Variants in DRICH1 observed in about 807,000 individuals in gnomAD.
The protein encoded by DRICH1 is aspartate rich 1.
Under a neutral mutation model 39.5 loss-of-function variants are expected in DRICH1, and 38 were observed. That is an observed-to-expected ratio of 0.96 (90% CI 0.74 to 1.26). DRICH1 has a LOEUF of 1.26. Among genes scored for constraint, DRICH1 ranks in the 50% most tolerant of loss-of-function variants. DRICH1 has a pLI of 0.00. For missense variants in DRICH1, 279 were observed against 270.4 expected (o/e 1.03, Z -0.22); for synonymous variants, 84 against 99.5 (o/e 0.84, Z 0.93).
chr22:23,586,879 T>G, the DRICH1 span, among the ~76,000 whole-genome samples: 1 of 152,230 alleles, frequency 6.6e-6, no homozygotes, highest in Non-Finnish European at 1.5e-5. Flanking sequence ...AATAGCCCTA[T>G]TTATTCCAGA....
At chr22:23,607,457 A>C (rs1242755371), downstream of DRICH1, among the ~76,000 whole-genome samples, 1 of 147,742 alleles carries the variant, frequency 6.8e-6, no homozygotes, top group Non-Finnish European at 1.5e-5. Context: ...CCACACTGGG[A>C]CCCTCATTGT....
At chr22:23,602,464 C>T in the DRICH1 span, among the ~76,000 whole-genome samples, 2 of 152,234 alleles carry the variant, frequency 1.3e-5, no homozygotes, top group African/African-American at 4.8e-5. Context: ...GCAGGTGGGT[C>T]ACTTGGGGCC....
intron 8 of DRICH1, 34 bp downstream of exon 8, chr22:23,616,819 T>C: frequency 6.2e-7 from 1 of 1,613,494 alleles, no homozygotes. Context: ...AGCAAGTTTG[T>C]TTCTCAGAAA....
At chr22:23,589,089 GACACACAC>G in the DRICH1 span, among the ~76,000 whole-genome samples, 4,744 of 143,870 alleles carry the variant, frequency 0.033, 266 homozygotes, top group African/African-American at 0.11. Flanking sequence ...TCTCCCAGCT[GACACACAC>G]ACACACACAC....
At chr22:23,590,752 C>T in the DRICH1 span, among the ~76,000 whole-genome samples, 1 of 152,040 alleles carries the variant, frequency 6.6e-6, no homozygotes, top group Non-Finnish European at 1.5e-5. Context: ...GTGTGCACCA[C>T]CACGCCCGGA....
intron 10 of DRICH1, 32 bp from the exon 11 acceptor site, chr22:23,613,362 TAG>T (rs776356553): frequency 2.0e-5 from 32 of 1,583,222 alleles, no homozygotes; most frequent in Non-Finnish European, 2.7e-5. Context: ...AATAAGTCAT[TAG>T]AGAGAGTGAC....
the DRICH1 span, among the ~76,000 whole-genome samples, chr22:23,599,979 G>A: frequency 6.6e-6 from 1 of 152,206 alleles, no homozygotes; most frequent in East Asian, 1.9e-4. Context: ...CAGGAGCTGA[G>A]GGTCTATATA....
At chr22:23,599,123 T>C in the DRICH1 span, among the ~76,000 whole-genome samples, 1 of 152,194 alleles carries the variant, frequency 6.6e-6, no homozygotes, top group Non-Finnish European at 1.5e-5. Context: ...CTCAATAGCG[T>C]CTCAACACAG....
chr22:23,625,779 T>A (rs1373105527), intron 2 of DRICH1, among the ~76,000 whole-genome samples: 2 of 151,854 alleles, frequency 1.3e-5, no homozygotes, highest in Admixed American at 6.6e-5. Context: ...ACCAGAGGAG[T>A]GACCTGCACA....
At position 23,622,914 on chromosome 22, in the gene DRICH1, CTG is replaced by C. The variant is rs554088647; in HGVS notation, c.299-740_299-739del. On this transcript the variant is annotated intron_variant, in intron 3 of 11. Coordinates refer to ENST00000317749, the MANE Select transcript of DRICH1 (RefSeq NM_016449.4). ...ACCAGTGAATCTGAGAGACGTGACTCTGAACACTTTCTGCCATGAGGATAAGT... is the reference window on the plus strand; with the variant it reads ...ACCAGTGAATCTGAGAGACGTGACTCAACACTTTCTGCCATGAGGATAAGT... Among the ~76,000 whole-genome samples, 1,222 of 152,208 alleles carry C rather than the reference CTG, an allele frequency of 8.0e-3. 26 individuals carry two copies. Among genetic ancestry groups the C allele is most frequent in the East Asian group, 0.078 (402 of 5,172 alleles).
At chr22:23,585,637 C>T in the DRICH1 span, among the ~76,000 whole-genome samples, 2 of 152,128 alleles carry the variant, frequency 1.3e-5, no homozygotes, top group East Asian at 3.9e-4. Context: ...CCTGCCTCAG[C>T]CTCCTGAGTA....
At chr22:23,625,883 C>A (rs1928031140) in intron 2 of DRICH1, 98 bp downstream of exon 2, 1 of 914,288 alleles carries the variant, frequency 1.1e-6, no homozygotes. Flanking sequence ...TGCTGTTCTG[C>A]AGGCCTCTGA....
intron 4 of DRICH1, among the ~76,000 whole-genome samples, chr22:23,621,140 A>G (rs1302084269): frequency 6.6e-6 from 1 of 152,146 alleles, no homozygotes; most frequent in African/African-American, 2.4e-5. Flanking sequence ...GAACTGGTTT[A>G]GGTGAGCAAA....
At chr22:23,593,672 G>T in the DRICH1 span, among the ~76,000 whole-genome samples, 1 of 143,084 alleles carries the variant, frequency 7.0e-6, no homozygotes, top group African/African-American at 2.6e-5. Flanking sequence ...GATGTCGCGC[G>T]CCTGTAGTCC....
downstream of DRICH1, among the ~76,000 whole-genome samples, chr22:23,605,428 C>G (rs1926673607): frequency 6.6e-6 from 1 of 152,166 alleles, no homozygotes; most frequent in South Asian, 2.1e-4. Context: ...GGGAAGGCCC[C>G]CACAACATCA....
chr22:23,622,160 G>C lies in DRICH1; in HGVS notation c.315C>G (p.Asn105Lys), dbSNP rs1476160264. ...TTCGTGGTAGGCATACTAAACTCAGGTTGTCCTCAGAAGAACCTGGAAGGA... is the reference window on the plus strand; with the variant it reads ...TTCGTGGTAGGCATACTAAACTCAGCTTGTCCTCAGAAGAACCTGGAAGGA... ...PSPVQGSSED[N>K]LSLVCLPRSE... The change falls in exon 4 of 12, where the codon AAC (asparagine) becomes AAG (lysine). Residue 105 changes from asparagine (N) to lysine (K), a missense_variant. Transcript: ENST00000317749. The C allele has an allele frequency of 6.2e-7, 1 of 1,613,956 alleles. No homozygotes were observed. Among genetic ancestry groups the C allele is most frequent in the Non-Finnish European group, 8.5e-7 (1 of 1,179,976 alleles).
intron 1 of DRICH1, among the ~76,000 whole-genome samples, chr22:23,627,381 T>C (rs1409400951): frequency 6.6e-6 from 1 of 152,166 alleles, no homozygotes; most frequent in African/African-American, 2.4e-5. Context: ...CCCTGAACTT[T>C]TAATTGTAAA....
the DRICH1 span, among the ~76,000 whole-genome samples, chr22:23,589,720 C>T: frequency 2.0e-5 from 3 of 152,094 alleles, no homozygotes; most frequent in South Asian, 2.1e-4. Flanking sequence ...CTCACATGGC[C>T]GCAGCTGGTG....
chr22:23,616,747 C>G (rs932913790), intron 8 of DRICH1, 106 bp downstream of exon 8: 17 of 1,449,322 alleles, frequency 1.2e-5, no homozygotes, highest in Non-Finnish European at 1.6e-5. Flanking sequence ...ATCATTTGCT[C>G]TCACCACACC....
Sources: gnomAD v4.1 joint callset for allele counts (sites outside exome capture counted in the v4.1 genomes callset) on GRCh38, gnomAD v4.1.1 for gene constraint, MANE v1.5 for transcripts, NCBI Gene and HGNC (gene_info 2026-07-23, HGNC 2026-07-21) for gene names.